CDKN2A: variants seen among roughly 807,000 people sequenced by gnomAD.
The protein encoded by CDKN2A is cyclin-dependent kinase inhibitor 2A.
Under a neutral mutation model 11.1 loss-of-function variants are expected in CDKN2A, and 3 were observed. That is an observed-to-expected ratio of 0.27 (90% CI 0.12 to 0.70). The LOEUF (loss-of-function observed/expected upper bound fraction) is 0.70. Ranked by LOEUF, CDKN2A falls within the 30% of genes least tolerant of loss-of-function variation. The pLI is 0.77. For missense variants in CDKN2A, 265 were observed against 233.6 expected, an observed-to-expected ratio of 1.13 and a Z score of -0.88; for synonymous variants, 122 against 108.1, an observed-to-expected ratio of 1.13 and a Z score of -0.80.
At chr9:21,981,588 C>G (rs1820199309) in intron 2 of CDKN2A, among the ~76,000 whole-genome samples, 1 of 151,606 alleles carries the variant, frequency 6.6e-6, no homozygotes. Context: ...ATTAGAGTCC[C>G]TGTCCTAGTT....
rs1819744400 is a variant in CDKN2A at position 21,971,444 on chromosome 9, G to A, written c.151-236C>T. On this transcript the variant is annotated intron_variant, in intron 1 of 2. Coordinates refer to ENST00000304494, the MANE Select transcript of CDKN2A (RefSeq NM_000077.5). ...CTGCGGAGCTGTCGTCACAGGCAGAGAGCACTGTGAGGCACGGGCAAAATA... is the reference window on the plus strand; with the variant it reads ...CTGCGGAGCTGTCGTCACAGGCAGAAAGCACTGTGAGGCACGGGCAAAATA... 2.3e-6 allele frequency: 3 copies of A among 1,302,342 alleles called. No individual in the cohort carries two copies. In the East Asian group the frequency reaches 7.7e-5, roughly 33 times the overall value. 80.7% of individuals were successfully genotyped at this position (1,302,342 alleles called of 1,614,324 possible).
intron 2 of CDKN2A, among the ~76,000 whole-genome samples, chr9:21,983,352 A>G (rs1159092723): frequency 1.3e-5 from 2 of 152,046 alleles, no homozygotes; most frequent in Non-Finnish European, 2.9e-5. Context: ...TCTTTGCTTA[A>G]TCTTTACATT....
At chr9:21,974,869 A>C, upstream of CDKN2A, 1 of 1,484,456 alleles carries the variant, frequency 6.7e-7, no homozygotes, top group Non-Finnish European at 8.9e-7. This position sits in a 1 kb window ranked among gnomAD's most constrained non-coding sequence, Gnocchi z 5.2. Flanking sequence ...CCCTCTCCGC[A>C]GCCGCCGAGC....
rs965075035 is a variant in CDKN2A at position 21,968,486 on chromosome 9, G to A, written c.458-244C>T. ...CCGCTCAAGCGCTCCAGGTCCACCC[G>A]GCGGAGGGCAGAGAAAGCGCGACCG... On this transcript the variant is annotated intron_variant, in intron 2 of 2. Transcript: ENST00000304494. The surrounding 1 kb of genome is among the most constrained non-coding windows in gnomAD (Gnocchi z 4.7). 1.6e-5 allele frequency: 23 copies of A among 1,458,604 alleles called. No individual in the cohort carries two copies. The highest frequency in any genetic ancestry group is 2.5e-4 in the Middle Eastern group (1 of 3,980). 90.4% of individuals were successfully genotyped at this position (1,458,604 alleles called of 1,614,324 possible).
Position 21,970,967 on chromosome 9 carries a change from C to T in CDKN2A, c.392G>A (p.Arg131His), listed in dbSNP as rs1563888782. Residue 131 changes from arginine (R) to histidine (H), a missense_variant, in exon 2 of 3, where the codon CGC (arginine) becomes CAC (histidine). Physicochemically the swap from Arg to His is conservative, Grantham distance 29. Transcript: ENST00000304494. Reference protein sequence around the residue: ...LGHRDVARYLRAAAGGTRGSN... With the variant: ...LGHRDVARYLHAAAGGTRGSN... ...GCCTCTGGTGCCCCCCGCAGCCGCG[C>T]GCAGGTACCGTGCGACATCGCGATG... 2 of 1,611,558 alleles carry T rather than the reference C, an allele frequency of 1.2e-6. No homozygotes were observed. Among genetic ancestry groups the T allele is most frequent in the Non-Finnish European group, 1.7e-6 (2 of 1,180,028 alleles).
chr9:21,975,247 G>A, upstream of CDKN2A: 1 of 766,188 alleles, frequency 1.3e-6, no homozygotes, highest in Non-Finnish European at 1.6e-6. Context: ...GCAAAGGCGT[G>A]TTTGAGTGCG....
rs1819547660 is a variant in CDKN2A, at chr9:21,968,894, T to A, written c.458-652A>T. The A allele has an allele frequency of 2.2e-6, 2 of 927,568 alleles. No homozygotes were observed. The highest frequency in any genetic ancestry group is 2.1e-5 in the Admixed American group (1 of 48,456). 57.5% of individuals were successfully genotyped at this position (927,568 alleles called of 1,614,324 possible). ...CCGAGGCAGCATTTACACTTGAGAGTCTCAAGATTATTTTATTCCTGAGGG... is the reference window on the plus strand; with the variant it reads ...CCGAGGCAGCATTTACACTTGAGAGACTCAAGATTATTTTATTCCTGAGGG... On this transcript the variant is annotated intron_variant, in intron 2 of 2. Transcript: ENST00000304494. This position sits in a 1 kb window ranked among gnomAD's most constrained non-coding sequence, Gnocchi z 4.7.
At chr9:21,987,341 T>A (rs1285232107) in intron 2 of CDKN2A, among the ~76,000 whole-genome samples, 1 of 151,428 alleles carries the variant, frequency 6.6e-6, no homozygotes, top group Non-Finnish European at 1.5e-5. Context: ...TTTTAGGTTG[T>A]CATGTTTATT....
At chr9:21,990,451 T>A (rs562513329) in intron 2 of CDKN2A, among the ~76,000 whole-genome samples, 118 of 152,248 alleles carry the variant, frequency 7.8e-4, no homozygotes, top group African/African-American at 2.7e-3. Flanking sequence ...TCATCCACTG[T>A]GTAGGACTGT....
chr9:21,990,649 A>AGAGAGAGAGAGAGAGAGAGAGAGAGG (rs1396090431), intron 2 of CDKN2A, among the ~76,000 whole-genome samples: 10 of 150,232 alleles, frequency 6.7e-5, no homozygotes, highest in Non-Finnish European at 1.3e-4. Context: ...AGAGAGAGAG[A>AGAGAGAGAGAGAGAGAGAGAGAGAGG]GAAACTGTTT....
intron 2 of CDKN2A, chr9:21,970,590 T>A: frequency 1.7e-6 from 1 of 585,448 alleles, no homozygotes; most frequent in Non-Finnish European, 3.0e-6. Flanking sequence ...ACCTCTAGCC[T>A]CTTGAGTCTT....
chr9:21,987,734 C>G (rs1044555069), intron 2 of CDKN2A, among the ~76,000 whole-genome samples: 1 of 152,136 alleles, frequency 6.6e-6, no homozygotes, highest in African/African-American at 2.4e-5. Context: ...ACTCTCCTCC[C>G]TGGGATCCAG....
intron 2 of CDKN2A, among the ~76,000 whole-genome samples, chr9:21,981,537 CCATGCAT>C (rs747377558): frequency 4.6e-5 from 7 of 152,028 alleles, no homozygotes; most frequent in Non-Finnish European, 1.0e-4. Context: ...AGGAATAATT[CCATGCAT>C]CCCTTTAATT....
At chr9:21,976,203 A>AC (rs1282047588), upstream of CDKN2A, among the ~76,000 whole-genome samples, 4 of 151,740 alleles carry the variant, frequency 2.6e-5, no homozygotes, top group Non-Finnish European at 4.4e-5. Flanking sequence ...AAATGGTGAC[A>AC]CCCCGTCTCT....
chr9:21,967,793 T>C lies in CDKN2A; in HGVS notation c.*436A>G, dbSNP rs549291513. On this transcript the variant is annotated 3_prime_UTR_variant, in exon 3 of 3. Transcript: ENST00000304494. ...AATTATTTTATTTTTATTTGAGCTT[T>C]GGTTCTGCCATTTGCTAGCAGTGTG... 4 of 299,000 alleles carry C rather than the reference T, an allele frequency of 1.3e-5. No individual in the cohort carries two copies. Among genetic ancestry groups the C allele is most frequent in the Non-Finnish European group, 2.5e-5 (4 of 156,906 alleles). 18.5% of individuals were successfully genotyped at this position (299,000 alleles called of 1,614,324 possible). A position where few individuals can be genotyped will look rare whatever the true frequency, so the allele number is the denominator to read the frequency against.
intron 1 of CDKN2A, chr9:21,994,513 C>T (rs1249486574): frequency 1.5e-6 from 2 of 1,338,760 alleles, no homozygotes; most frequent in African/African-American, 3.2e-5. Flanking sequence ...CACCTTCACC[C>T]CCACCCCCAC....
At position 21,967,881 on chromosome 9, in the gene CDKN2A, C is replaced by T; in HGVS notation, c.*348G>A. 2.9e-6 allele frequency: 1 copy of T among 350,100 alleles called. No individual in the cohort carries two copies. Among genetic ancestry groups the T allele is most frequent in the Non-Finnish European group, 5.2e-6 (1 of 192,098 alleles). The allele number at this position is 350,100 out of a possible 1,614,324, so 21.7% of individuals were successfully genotyped here. ...GTTCACAAAATGCTTGTCATGAAGT[C>T]GACAGCTTCCGGAGGCTGCGAGGCT... On this transcript the variant is annotated 3_prime_UTR_variant, in exon 3 of 3. Coordinates refer to ENST00000304494, the MANE Select transcript of CDKN2A (RefSeq NM_000077.5).
At chr9:21,973,057 C>A (rs1230130931) in intron 1 of CDKN2A, among the ~76,000 whole-genome samples, 2 of 152,102 alleles carry the variant, frequency 1.3e-5, no homozygotes, top group Non-Finnish European at 2.9e-5. Flanking sequence ...CAAATTGCAG[C>A]TACAAAAAGA....
chr9:21,975,228 C>A (rs1024621467), upstream of CDKN2A: 6 of 1,008,702 alleles, frequency 5.9e-6, no homozygotes, highest in Non-Finnish European at 7.3e-6. Flanking sequence ...CGCGCTCCCC[C>A]GCCTGCCAGC....
Sources: gnomAD v4.1 joint callset for allele counts (sites outside exome capture counted in the v4.1 genomes callset) on GRCh38, gnomAD v4.1.1 for gene constraint, Gnocchi (gnomAD v3.1) non-coding constraint, MANE v1.5 for transcripts, NCBI Gene and HGNC (gene_info 2026-07-23, HGNC 2026-07-21) for gene names.